The following ATXN1 variants were observed in gnomAD, a reference collection of about 807,000 sequenced individuals.
The protein encoded by ATXN1 is ataxin 1, also known as ataxin-1.
Under a neutral mutation model 56.4 loss-of-function variants are expected in ATXN1, and 8 were observed. The observed-to-expected ratio is 0.14, with a 90% CI of 0.08 to 0.26. The LOEUF is 0.26. Among genes scored for constraint, ATXN1 ranks in the 10% least tolerant of loss-of-function variants. The probability of loss-of-function intolerance (pLI) is 1.00; values close to 1 mark genes in which losing one functional copy is unlikely to be tolerated. For synonymous variants in ATXN1, 514 were observed against 494.6 expected, an observed-to-expected ratio of 1.04 and a Z score of -0.52; for missense variants, 987 against 1,106.5, an observed-to-expected ratio of 0.89 and a Z score of 1.53.
chr6:16,348,768 A>C (rs184899595), intron 6 of ATXN1, among the ~76,000 whole-genome samples: 86 of 152,308 alleles, frequency 5.6e-4, no homozygotes, highest in African/African-American at 2.0e-3. Context: ...GGGACAATTC[A>C]GTGCCTAGCA....
chr6:16,521,536 C>A (rs1201694899), intron 5 of ATXN1, among the ~76,000 whole-genome samples: 1 of 152,234 alleles, frequency 6.6e-6, no homozygotes, highest in Non-Finnish European at 1.5e-5. Flanking sequence ...CCAGCCTGGG[C>A]GACAGAGGGA....
intron 2 of ATXN1, among the ~76,000 whole-genome samples, chr6:16,735,984 A>G (rs1760116723): frequency 6.6e-6 from 1 of 152,252 alleles, no homozygotes; most frequent in South Asian, 2.1e-4. Context: ...ATAGAATTAA[A>G]TTGAATGCAA....
intron 3 of ATXN1, among the ~76,000 whole-genome samples, chr6:16,607,380 A>T (rs184098578): frequency 1.3e-5 from 2 of 152,246 alleles, no homozygotes; most frequent in African/African-American, 4.8e-5. Context: ...GGGAGAATTA[A>T]GTGTTGTCAA....
chr6:16,725,269 C>A (rs540524310), intron 2 of ATXN1, among the ~76,000 whole-genome samples: 1 of 152,186 alleles, frequency 6.6e-6, no homozygotes, highest in Non-Finnish European at 1.5e-5. Context: ...ATTTAGGTTT[C>A]GAGAACTGCT....
chr6:16,749,450 T>TAC (rs919996417), intron 2 of ATXN1, among the ~76,000 whole-genome samples: 1 of 152,306 alleles, frequency 6.6e-6, no homozygotes, highest in South Asian at 2.1e-4. Context: ...TTCATTTTTA[T>TAC]ACACACACAC....
At chr6:16,443,208 C>CAAAA (rs70999325) in intron 6 of ATXN1, among the ~76,000 whole-genome samples, 14 of 40,758 alleles carry the variant, frequency 3.4e-4, no homozygotes, top group African/African-American at 1.2e-3. Flanking sequence ...TCTATTGGAG[C>CAAAA]AAAAAAAAAA....
intron 2 of ATXN1, among the ~76,000 whole-genome samples, chr6:16,688,385 AG>A (rs1758963478): frequency 6.6e-6 from 1 of 152,242 alleles, no homozygotes; most frequent in African/African-American, 2.4e-5. Flanking sequence ...AAATGGAAGT[AG>A]GGTTCTAAGC....
intron 5 of ATXN1, among the ~76,000 whole-genome samples, chr6:16,508,061 G>C (rs558503815): frequency 2.6e-5 from 4 of 152,276 alleles, no homozygotes; most frequent in African/African-American, 9.6e-5. Flanking sequence ...TGTGGGCTTG[G>C]CTATATGTCT....
intron 3 of ATXN1, among the ~76,000 whole-genome samples, chr6:16,594,686 T>C (rs1240501132): frequency 6.6e-6 from 1 of 152,096 alleles, no homozygotes; most frequent in African/African-American, 2.4e-5. Context: ...TTTCACTATG[T>C]TGGCCAGGAC....
chr6:16,359,171 G>A (rs547018322), intron 6 of ATXN1, among the ~76,000 whole-genome samples: 1 of 152,342 alleles, frequency 6.6e-6, no homozygotes, highest in East Asian at 1.9e-4. Flanking sequence ...GCAGCAGGAG[G>A]AAGACAGGGT....
intron 6 of ATXN1, among the ~76,000 whole-genome samples, chr6:16,419,662 G>T (rs956080935): frequency 9.2e-5 from 14 of 152,116 alleles, no homozygotes; most frequent in African/African-American, 3.4e-4. Flanking sequence ...AACGTAACAA[G>T]CAAAGGTGCC....
intron 6 of ATXN1, among the ~76,000 whole-genome samples, chr6:16,458,458 C>T: frequency 6.6e-6 from 1 of 152,174 alleles, no homozygotes; most frequent in African/African-American, 2.4e-5. Flanking sequence ...ATGTTTATTA[C>T]CCAATCAGCT....
At chr6:16,639,868 A>G (rs1763675999) in intron 3 of ATXN1, among the ~76,000 whole-genome samples, 1 of 152,242 alleles carries the variant, frequency 6.6e-6, no homozygotes, top group Admixed American at 6.5e-5. Context: ...TCTGAGTAAT[A>G]GCACCAGAAG....
At chr6:16,461,140 G>C (rs1456538311) in intron 6 of ATXN1, among the ~76,000 whole-genome samples, 1 of 152,206 alleles carries the variant, frequency 6.6e-6, no homozygotes, top group Non-Finnish European at 1.5e-5. Flanking sequence ...ATTGCTGCCA[G>C]GCAGAACCTC....
intron 2 of ATXN1, among the ~76,000 whole-genome samples, chr6:16,734,196 C>T (rs1760058031): frequency 6.6e-6 from 1 of 152,176 alleles, no homozygotes; most frequent in Non-Finnish European, 1.5e-5. Context: ...TCATCCTTCT[C>T]AGGTGTTCTG....
At chr6:16,735,631 T>C (rs1165675135) in intron 2 of ATXN1, among the ~76,000 whole-genome samples, 1 of 152,168 alleles carries the variant, frequency 6.6e-6, no homozygotes, top group Non-Finnish European at 1.5e-5. Context: ...CCAGCAGTAA[T>C]TTAAAGTATG....
chr6:16,512,338 G>C (rs1462999291), intron 5 of ATXN1, among the ~76,000 whole-genome samples: 1 of 152,156 alleles, frequency 6.6e-6, no homozygotes. Flanking sequence ...CACAGAACCA[G>C]GAAATAGCTG....
chr6:16,738,588 C>A (rs1035642747), intron 2 of ATXN1: 2 of 152,260 alleles, frequency 1.3e-5, no homozygotes, highest in Middle Eastern at 3.4e-3. Context: ...TTTTAAAAAA[C>A]CAGGATTTTA....
intron 3 of ATXN1, among the ~76,000 whole-genome samples, chr6:16,638,968 A>G (rs893174444): frequency 6.6e-6 from 1 of 152,188 alleles, no homozygotes; most frequent in African/African-American, 2.4e-5. Context: ...TCGAGTGGGG[A>G]CTTGGAGAAC....
Sources: gnomAD v4.1 joint callset for allele counts (sites outside exome capture counted in the v4.1 genomes callset) on GRCh38, gnomAD v4.1.1 for gene constraint, MANE v1.5 for transcripts, NCBI Gene and HGNC (gene_info 2026-07-23, HGNC 2026-07-21) for gene names.